The following TANC2 variants were observed in gnomAD, a reference collection of about 807,000 sequenced individuals.
The protein encoded by TANC2 is protein TANC2.
A neutral mutation model predicts 210.5 loss-of-function variants in TANC2; 26 were observed. The ratio of observed to expected loss-of-function variants is 0.12; its 90% CI spans 0.09 to 0.17. TANC2 has a LOEUF of 0.17. Ranked by LOEUF, TANC2 falls within the 10% of genes least tolerant of loss-of-function variation. The pLI, the probability that TANC2 is intolerant of heterozygous loss-of-function variation, is 1.00. For synonymous variants in TANC2, 931 were observed against 967.1 expected (o/e 0.96, Z 0.69); for missense variants, 2,129 against 2,608.9 (o/e 0.82, Z 4.01).
chr17:63,197,328 A>G (rs1183212671), intron 6 of TANC2, among the ~76,000 whole-genome samples: 1 of 152,196 alleles, frequency 6.6e-6, no homozygotes, highest in Non-Finnish European at 1.5e-5. Flanking sequence ...TAATGAAGCT[A>G]AATGATAGCC....
intron 4 of TANC2, among the ~76,000 whole-genome samples, chr17:63,100,313 C>T (rs138956391): frequency 1.3e-5 from 2 of 152,174 alleles, no homozygotes; most frequent in East Asian, 3.9e-4. Context: ...AAAATAATAG[C>T]ATTTCTTCTA....
In TANC2 at chr17:63,208,884, T is replaced by A. The variant is rs57108364; in HGVS notation, c.769+7927T>A. Reference sequence around the variant, plus strand: ...GCAGCAAAGTCTCTTATTAAATAATTTATAGTTTTTTTGTGGTTTTCTACA... The same window carrying A: ...GCAGCAAAGTCTCTTATTAAATAATATATAGTTTTTTTGTGGTTTTCTACA... On this transcript the variant is annotated intron_variant, in intron 7 of 27. Transcript: ENST00000689528. 2.8e-3 allele frequency among the ~76,000 whole-genome samples: 428 copies of A among 152,284 alleles called. 3 individuals are homozygous for A. The highest frequency in any genetic ancestry group is 9.7e-3 in the African/African-American group (405 of 41,578).
chr17:63,364,632 C>T (rs1262306474), intron 14 of TANC2, among the ~76,000 whole-genome samples: 3 of 152,084 alleles, frequency 2.0e-5, no homozygotes, highest in Non-Finnish European at 2.9e-5. Context: ...ATTCATGAAG[C>T]ATTTACAGGC....
At chr17:63,220,399 A>C (rs1334279808) in intron 7 of TANC2, among the ~76,000 whole-genome samples, 2 of 151,756 alleles carry the variant, frequency 1.3e-5, no homozygotes, top group Non-Finnish European at 2.9e-5. Flanking sequence ...TTTTTTCAGC[A>C]AATATTAATA....
intron 2 of TANC2, among the ~76,000 whole-genome samples, chr17:63,036,937 A>G (rs780580008): frequency 3.1e-4 from 47 of 151,364 alleles, no homozygotes; most frequent in Non-Finnish European, 4.9e-4. Context: ...TCCTGAAACT[A>G]TGGATAACAC....
Position 63,405,391 on chromosome 17 carries a change from G to A in TANC2, c.3465+136G>A, listed in dbSNP as rs1468018852. On this transcript the variant is annotated intron_variant, in intron 20 of 27. Coordinates refer to ENST00000689528, the Ensembl canonical transcript of TANC2. ...ATCAGGTTTGAGGACTTGGACCTTTGTTATGAGTATTCTGGTTAATTGAGA... is the reference window on the plus strand; with the variant it reads ...ATCAGGTTTGAGGACTTGGACCTTTATTATGAGTATTCTGGTTAATTGAGA... 8.5e-6 allele frequency: 8 copies of A among 942,202 alleles called. No homozygotes were observed. In the East Asian group the frequency reaches 1.9e-4, roughly 22 times the overall value. The allele number at this position is 942,202 out of a possible 1,614,324, so 58.4% of individuals were successfully genotyped here. A position where few individuals can be genotyped will look rare whatever the true frequency, so the allele number is the denominator to read the frequency against.
intron 26 of TANC2, among the ~76,000 whole-genome samples, chr17:63,416,985 C>T (rs2048883855): frequency 1.3e-5 from 2 of 152,216 alleles, no homozygotes; most frequent in Non-Finnish European, 2.9e-5. Context: ...GATCTCTTTT[C>T]CCTACCAAAT....
At chr17:63,197,032 G>T (rs1015263954) in intron 6 of TANC2, among the ~76,000 whole-genome samples, 1 of 152,114 alleles carries the variant, frequency 6.6e-6, no homozygotes, top group Non-Finnish European at 1.5e-5. Context: ...AAAGGATCAA[G>T]TTAAATCATG....
chr17:62,979,082 A>G (rs1047126735), intron 1 of TANC2, among the ~76,000 whole-genome samples: 4 of 152,136 alleles, frequency 2.6e-5, no homozygotes, highest in African/African-American at 9.7e-5. Context: ...TGCAGCATGT[A>G]CACGTTATAC....
chr17:63,255,900 T>C (rs2043179390), intron 8 of TANC2, among the ~76,000 whole-genome samples: 2 of 133,004 alleles, frequency 1.5e-5, no homozygotes, highest in Admixed American at 7.5e-5. Context: ...TTATTTGACT[T>C]TTCTTTTTTT....
rs747045084 is a variant in TANC2, at chr17:63,398,871, G to A, written c.3288G>A (p.Glu1096=). 2.2e-5 allele frequency: 35 copies of A among 1,598,544 alleles called. No individual in the cohort carries two copies. The Admixed American group carries it at 6.0e-4, about 28-fold the overall frequency. Residue 1096 remains glutamate, a synonymous_variant, in exon 19 of 28, where the codon GAG becomes GAA. Coordinates refer to ENST00000689528, the Ensembl canonical transcript of TANC2. Reference sequence around the variant, plus strand: ...CAGAAAAAGATGAAGAGGAAGTAGAGCGAGCACAGATCAACAGCTTTGACA... The same window carrying A: ...CAGAAAAAGATGAAGAGGAAGTAGAACGAGCACAGATCAACAGCTTTGACA...
At chr17:63,335,103 C>G (rs1370658476) in intron 11 of TANC2, among the ~76,000 whole-genome samples, 3 of 152,312 alleles carry the variant, frequency 2.0e-5, no homozygotes, top group Non-Finnish European at 2.9e-5. Flanking sequence ...TTGGGAATTA[C>G]ATTTCAGTCT....
rs966050975 is a variant in TANC2, at chr17:63,421,538, A to G, written c.5808A>G (p.Thr1936=). 19 of 1,614,042 alleles carry G rather than the reference A, an allele frequency of 1.2e-5. No homozygotes were observed. Among genetic ancestry groups the G allele is most frequent in the Non-Finnish European group, 1.5e-5 (18 of 1,179,904 alleles). ...CATTCATGGGGATCATAGATAAAAC[A>G]GCACGGACTCAGCAGTACCCCCACC... Residue 1936 remains threonine (T), a synonymous_variant, in exon 28 of 28, where the codon ACA becomes ACG. Transcript: ENST00000689528. This position sits in a 1 kb window ranked among gnomAD's most constrained non-coding sequence, Gnocchi z 6.9.
intron 1 of TANC2, among the ~76,000 whole-genome samples, chr17:63,005,625 T>G (rs1464024069): frequency 1.3e-5 from 2 of 152,162 alleles, no homozygotes; most frequent in Non-Finnish European, 1.5e-5. Context: ...TAATGGTTTT[T>G]TTTTGTTACT....
chr17:63,316,426 G>A (rs1327223170), intron 10 of TANC2, among the ~76,000 whole-genome samples: 1 of 152,124 alleles, frequency 6.6e-6, no homozygotes, highest in Non-Finnish European at 1.5e-5. Context: ...GGTACCTGGG[G>A]ATCTCTCTAT....
At chr17:63,347,037 A>G (rs2046436436) in intron 12 of TANC2, among the ~76,000 whole-genome samples, 1 of 152,146 alleles carries the variant, frequency 6.6e-6, no homozygotes, top group African/African-American at 2.4e-5. Context: ...ATGTACATCT[A>G]CTTTATGACC....
chr17:63,208,532 A>G (rs1194842841), intron 7 of TANC2, among the ~76,000 whole-genome samples: 2 of 152,218 alleles, frequency 1.3e-5, no homozygotes, highest in South Asian at 2.1e-4. Context: ...TTAAGAATCA[A>G]TTTGCCAAAT....
chr17:63,081,427 T>G (rs2036766187), intron 3 of TANC2, among the ~76,000 whole-genome samples: 1 of 152,224 alleles, frequency 6.6e-6, no homozygotes, highest in Admixed American at 6.5e-5. Flanking sequence ...TTTGTATCTT[T>G]CCATGTTTTC....
At chr17:63,406,020 T>C in intron 20 of TANC2, 134 bp from the exon 21 acceptor site, 1 of 1,133,360 alleles carries the variant, frequency 8.8e-7, no homozygotes, top group Non-Finnish European at 1.2e-6. Flanking sequence ...TACAGGTACT[T>C]ATGGGGGAAG....
Sources: gnomAD v4.1 joint callset for allele counts (sites outside exome capture counted in the v4.1 genomes callset) on GRCh38, gnomAD v4.1.1 for gene constraint, Gnocchi (gnomAD v3.1) non-coding constraint, MANE v1.5 for transcripts, NCBI Gene and HGNC (gene_info 2026-07-23, HGNC 2026-07-21) for gene names.